Variants in SBF2 observed in about 807,000 individuals in gnomAD.
The protein encoded by SBF2 is SET binding factor 2, also known as myotubularin-related protein 13.
In SBF2, 112 loss-of-function variants were observed where a neutral mutation model predicts 225.2. That is an observed-to-expected ratio of 0.50 (90% CI 0.43 to 0.58). The LOEUF (loss-of-function observed/expected upper bound fraction) is 0.58. SBF2 is among the 20% of genes least tolerant of loss of function. The pLI, the probability that SBF2 is intolerant of heterozygous loss-of-function variation, is 0.00. For synonymous variants in SBF2, 763 were observed against 773.3 expected, an observed-to-expected ratio of 0.99 and a Z score of 0.22; for missense variants, 1,996 against 2,206.2, an observed-to-expected ratio of 0.90 and a Z score of 1.91.
chr11:10,073,073 A>T (rs934396154), intron 2 of SBF2, among the ~76,000 whole-genome samples: 1 of 152,008 alleles, frequency 6.6e-6, no homozygotes, highest in African/African-American at 2.4e-5. Context: ...CTTGCTTTCA[A>T]TTGACTCCTT....
chr11:9,995,560 T>A (rs1947654045), intron 9 of SBF2, among the ~76,000 whole-genome samples: 1 of 152,230 alleles, frequency 6.6e-6, no homozygotes, highest in Admixed American at 6.5e-5. Flanking sequence ...TATATACTTG[T>A]GTGTCAATGC....
chr11:9,808,051 C>T lies in SBF2; in HGVS notation c.4392G>A (p.Gln1464=). The T allele has an allele frequency of 6.2e-7, 1 of 1,614,162 alleles. No homozygotes were observed. The highest frequency in any genetic ancestry group is 2.2e-5 in the East Asian group (1 of 44,882). The change falls in exon 32 of 40, where the codon CAG becomes CAA. Residue 1464 remains glutamine (Q), a synonymous_variant. Transcript: ENST00000256190. The stretch of plus-strand genomic sequence containing the variant: ...AGAAGACTGGAGCAAAACCACTCCC[C>T]TGACAGTTGAGGGTCAAGCTGCTCC... ...SQRSSLTLNC[Q]GSGFAPVFLQ...
intron 3 of SBF2, among the ~76,000 whole-genome samples, chr11:10,036,732 C>A (rs180809667): frequency 1.1e-3 from 174 of 152,218 alleles, no homozygotes; most frequent in Middle Eastern, 6.8e-3. Context: ...ATCCTATACT[C>A]TTATATGTAA....
At chr11:10,191,549 C>T (rs117407535) in intron 2 of SBF2, among the ~76,000 whole-genome samples, 3,720 of 152,264 alleles carry the variant, frequency 0.024, 86 homozygotes, top group Non-Finnish European at 0.036. Flanking sequence ...AAATTTCTGA[C>T]GTAATCCAAC....
At chr11:9,917,762 C>G (rs1172215651) in intron 16 of SBF2, among the ~76,000 whole-genome samples, 1 of 151,238 alleles carries the variant, frequency 6.6e-6, no homozygotes, top group African/African-American at 2.5e-5. Flanking sequence ...TATAAAGCAC[C>G]ACTGGAATCT....
intron 2 of SBF2, among the ~76,000 whole-genome samples, chr11:10,074,022 A>G (rs966622161): frequency 2.0e-5 from 3 of 152,204 alleles, no homozygotes; most frequent in African/African-American, 7.2e-5. Context: ...ATCATTTTAT[A>G]GGTGAAAATA....
chr11:9,822,612 T>A (rs1295685766), intron 28 of SBF2, among the ~76,000 whole-genome samples: 1 of 152,154 alleles, frequency 6.6e-6, no homozygotes, highest in African/African-American at 2.4e-5. Context: ...TTGGACCCAA[T>A]CAGTAAGAAC....
At chr11:9,836,608 A>AC (rs1434856864) in intron 26 of SBF2, among the ~76,000 whole-genome samples, 1 of 152,152 alleles carries the variant, frequency 6.6e-6, no homozygotes, top group Non-Finnish European at 1.5e-5. Context: ...TCTTAGAATT[A>AC]CCTTTTCAGT....
At chr11:9,855,198 G>A (rs971020242) in intron 19 of SBF2, among the ~76,000 whole-genome samples, 17 of 152,186 alleles carry the variant, frequency 1.1e-4, no homozygotes, top group African/African-American at 2.9e-4. Context: ...AATAACCAGA[G>A]GATGAACAAG....
intron 9 of SBF2, among the ~76,000 whole-genome samples, 172 bp downstream of exon 9, chr11:9,998,094 T>C (rs899966563): frequency 6.6e-6 from 1 of 152,232 alleles, no homozygotes; most frequent in African/African-American, 2.4e-5. Flanking sequence ...TTTAGATAAC[T>C]ACCTAGTAAA....
intron 1 of SBF2, among the ~76,000 whole-genome samples, chr11:10,251,415 G>A (rs1039162502): frequency 2.0e-5 from 3 of 152,178 alleles, no homozygotes; most frequent in African/African-American, 7.2e-5. Context: ...ATTTTCTTGT[G>A]AAAGACATGC....
intron 1 of SBF2, among the ~76,000 whole-genome samples, chr11:10,231,996 C>A (rs1213188142): frequency 6.6e-6 from 1 of 152,222 alleles, no homozygotes; most frequent in African/African-American, 2.4e-5. Flanking sequence ...CCTACTCAAG[C>A]CTTGGCAATG....
chr11:9,828,240 A>C, intron 28 of SBF2: 1 of 1,286,874 alleles, frequency 7.8e-7, no homozygotes, highest in South Asian at 1.3e-5. Context: ...AGCCAAAAAG[A>C]AGAACAAAAA....
In SBF2 at chr11:10,196,857, TA is replaced by T. The variant is rs1164669830; in HGVS notation, c.56-2871del. 5.8e-3 allele frequency among the ~76,000 whole-genome samples: 193 copies of T among 33,050 alleles called. 7 individuals carry two copies. The highest frequency in any genetic ancestry group is 0.013 in the Non-Finnish European group (124 of 9,906). The allele number at this position is 33,050 out of a possible 152,430, so 21.7% of individuals were successfully genotyped here. On this transcript the variant is annotated intron_variant, in intron 1 of 39. Transcript: ENST00000256190. Reference sequence around the variant, plus strand: ...GCATAAATATATATATATATATATATATATATATATTTTTTTTTTCCTACAA... The same window carrying T: ...GCATAAATATATATATATATATATATTATATATATTTTTTTTTTCCTACAA...
intron 2 of SBF2, among the ~76,000 whole-genome samples, chr11:10,153,796 A>G (rs1955336999): frequency 6.6e-6 from 1 of 152,126 alleles, no homozygotes; most frequent in Non-Finnish European, 1.5e-5. Flanking sequence ...GAAGTTTTAT[A>G]ATTTTAGAGT....
intron 1 of SBF2, among the ~76,000 whole-genome samples, chr11:10,217,246 A>G (rs1319401768): frequency 6.6e-6 from 1 of 152,204 alleles, no homozygotes; most frequent in Admixed American, 6.5e-5. Context: ...AAGTTGTCCA[A>G]TATATTCATT....
At chr11:9,850,392 A>G (rs1395482556) in intron 21 of SBF2, among the ~76,000 whole-genome samples, 174 bp from the exon 22 acceptor site, 1 of 152,156 alleles carries the variant, frequency 6.6e-6, no homozygotes, top group Admixed American at 6.6e-5. Context: ...AGTAGCTGAG[A>G]CTACAGGCAT....
intron 33 of SBF2, among the ~76,000 whole-genome samples, chr11:9,793,981 A>G (rs1257162020): frequency 6.6e-6 from 1 of 152,214 alleles, no homozygotes; most frequent in African/African-American, 2.4e-5. Context: ...AAAAAACCAA[A>G]AACTTAGCCT....
intron 1 of SBF2, among the ~76,000 whole-genome samples, chr11:10,249,934 G>C (rs184276700): frequency 3.0e-4 from 46 of 151,892 alleles, no homozygotes; most frequent in African/African-American, 1.1e-3. Flanking sequence ...GAGACGTAAA[G>C]AGAATTATTT....
Sources: allele counts gnomAD v4.1 joint callset (sites outside exome capture counted in the v4.1 genomes callset), GRCh38; gene constraint gnomAD v4.1.1; transcripts MANE v1.5; gene names NCBI Gene and HGNC (gene_info 2026-07-23, HGNC 2026-07-21).